MAP4K4: variants seen among roughly 807,000 people sequenced by gnomAD.
MAP4K4 encodes HPK/GCK-like kinase HGK.
Under a neutral mutation model 189.6 loss-of-function variants are expected in MAP4K4, and 38 were observed. The ratio of observed to expected loss-of-function variants is 0.20; its 90% CI spans 0.15 to 0.26. The LOEUF is 0.26. Ranked by LOEUF, MAP4K4 falls within the 10% of genes least tolerant of loss-of-function variation. MAP4K4 has a pLI of 1.00. For synonymous variants in MAP4K4, 610 were observed against 624.3 expected, an observed-to-expected ratio of 0.98 and a Z score of 0.34; for missense variants, 1,054 against 1,726.9, an observed-to-expected ratio of 0.61 and a Z score of 6.91.
exon 33 of MAP4K4, chr2:101,893,980 T>TC: frequency 6.6e-6 from 1 of 152,514 alleles, no homozygotes; most frequent in Non-Finnish European, 1.5e-5. Context: ...CTTTTTTCCT[T>TC]CCCGTCTTAG....
chr2:101,845,695 T>C (rs1210348016), intron 12 of MAP4K4, among the ~76,000 whole-genome samples: 1 of 152,242 alleles, frequency 6.6e-6, no homozygotes, highest in African/African-American at 2.4e-5. Context: ...AGTTCATCAT[T>C]GACCAAAACA....
At chr2:101,741,573 C>A (rs897262578) in intron 2 of MAP4K4, among the ~76,000 whole-genome samples, 2 of 152,094 alleles carry the variant, frequency 1.3e-5, no homozygotes, top group African/African-American at 4.8e-5. Context: ...CTACCCACCC[C>A]CGCTCCAGCC....
chr2:101,742,180 C>T (rs1190687967), intron 2 of MAP4K4, among the ~76,000 whole-genome samples: 1 of 152,134 alleles, frequency 6.6e-6, no homozygotes, highest in Non-Finnish European at 1.5e-5. Flanking sequence ...TGGGCTCAGC[C>T]TGACTCAGGA....
chr2:101,834,370 C>G (rs1282082935), intron 7 of MAP4K4, 39 bp from the exon 8 acceptor site: 1 of 1,493,154 alleles, frequency 6.7e-7, no homozygotes, highest in Non-Finnish European at 9.2e-7. Flanking sequence ...GGCTTTGTAT[C>G]TACTCCAGTA....
At position 101,859,099 on chromosome 2, in the gene MAP4K4, G is replaced by A. The variant is rs1368623622; in HGVS notation, c.1482+17G>A. The A allele has an allele frequency of 4.4e-6, 7 of 1,602,750 alleles. No individual in the cohort carries two copies. The highest frequency in any genetic ancestry group is 6.0e-6 in the Non-Finnish European group (7 of 1,171,668). ...ATGTTACTGGTAAAGCCCCGCCTCT[G>A]TTTCATTCTGTAGCATCAGGGCTCC... is the stretch of plus-strand genomic sequence containing the variant. On this transcript the variant is annotated intron_variant, in intron 14 of 32. Transcript: ENST00000324219.
chr2:101,812,445 C>T (rs2095487236), intron 3 of MAP4K4, among the ~76,000 whole-genome samples: 2 of 152,168 alleles, frequency 1.3e-5, no homozygotes, highest in African/African-American at 4.8e-5. Flanking sequence ...TCCAGTCCAC[C>T]TCCTCACAGC....
intron 3 of MAP4K4, among the ~76,000 whole-genome samples, chr2:101,818,930 T>G: frequency 6.6e-6 from 1 of 151,980 alleles, no homozygotes; most frequent in East Asian, 1.9e-4. Context: ...CTTTTTTTCC[T>G]TACTAAAAAG....
At chr2:101,810,456 G>A (rs879659460) in intron 3 of MAP4K4, among the ~76,000 whole-genome samples, 1 of 152,004 alleles carries the variant, frequency 6.6e-6, no homozygotes, top group Non-Finnish European at 1.5e-5. Flanking sequence ...ATTGGACTTG[G>A]TGAGAGTCTT....
intron 30 of MAP4K4, among the ~76,000 whole-genome samples, 186 bp from the exon 31 acceptor site, chr2:101,887,592 A>G (rs1451582985): frequency 6.6e-6 from 1 of 152,210 alleles, no homozygotes; most frequent in Non-Finnish European, 1.5e-5. Flanking sequence ...TCAGTAGAGT[A>G]TATTACTGGG....
rs560376409 is a variant in MAP4K4 at position 101,845,510 on chromosome 2, A to C, written c.1233+1199A>C. Reference sequence around the variant, plus strand: ...ACCTAGATGGTACAGCCTACTGCGCACCTAGACTATGTGGTGTGGCCTCTT... The same window carrying C: ...ACCTAGATGGTACAGCCTACTGCGCCCCTAGACTATGTGGTGTGGCCTCTT... On this transcript the variant is annotated intron_variant, in intron 12 of 32. Coordinates refer to ENST00000324219, the Ensembl canonical transcript of MAP4K4. 8.5e-5 allele frequency among the ~76,000 whole-genome samples: 13 copies of C among 152,318 alleles called. No homozygotes were observed. The South Asian group carries it at 2.7e-3, about 32-fold the overall frequency.
intron 2 of MAP4K4, among the ~76,000 whole-genome samples, chr2:101,773,844 T>G (rs2082640386): frequency 6.6e-6 from 1 of 152,158 alleles, no homozygotes; most frequent in Non-Finnish European, 1.5e-5. Flanking sequence ...ATGTCTGTCT[T>G]TCCGTGCTTG....
chr2:101,786,173 C>T (rs903754035), intron 2 of MAP4K4, among the ~76,000 whole-genome samples: 4 of 152,066 alleles, frequency 2.6e-5, no homozygotes, highest in African/African-American at 4.8e-5. Context: ...AATGCTGTTT[C>T]TTCTACCTCT....
intron 2 of MAP4K4, among the ~76,000 whole-genome samples, chr2:101,786,728 G>GT (rs1206276924): frequency 6.6e-6 from 1 of 152,166 alleles, no homozygotes; most frequent in African/African-American, 2.4e-5. Flanking sequence ...TGCTGCCATT[G>GT]TATCGTGGGC....
intron 2 of MAP4K4, among the ~76,000 whole-genome samples, chr2:101,784,419 T>C (rs2089590886): frequency 6.6e-6 from 1 of 152,164 alleles, no homozygotes; most frequent in Non-Finnish European, 1.5e-5. Flanking sequence ...GTCTTCAGGT[T>C]ACTGAGATGT....
At chr2:101,733,177 G>C (rs2059187911) in intron 2 of MAP4K4, among the ~76,000 whole-genome samples, 1 of 152,214 alleles carries the variant, frequency 6.6e-6, no homozygotes, top group African/African-American at 2.4e-5. Flanking sequence ...GTCTGAAGTA[G>C]AGCATGAAAG....
chr2:101,829,694 C>T (rs2096532176), intron 6 of MAP4K4, 100 bp downstream of exon 6: 3 of 775,864 alleles, frequency 3.9e-6, no homozygotes, highest in Admixed American at 4.3e-5. Context: ...CAGTCTTACC[C>T]ATGTTTTCTA....
chr2:101,800,541 TTTG>T (rs2094267186), intron 3 of MAP4K4, among the ~76,000 whole-genome samples: 1 of 152,230 alleles, frequency 6.6e-6, no homozygotes, highest in African/African-American at 2.4e-5. Flanking sequence ...CATTTACTAA[TTTG>T]TTGGCTAGTT....
At chr2:101,711,134 C>T (rs2149305949) in intron 2 of MAP4K4, among the ~76,000 whole-genome samples, 1 of 152,310 alleles carries the variant, frequency 6.6e-6, no homozygotes, top group East Asian at 1.9e-4. Flanking sequence ...TTCTGCCCTA[C>T]ATTACACATG....
At chr2:101,747,605 T>G (rs1274772818) in intron 2 of MAP4K4, among the ~76,000 whole-genome samples, 1 of 152,178 alleles carries the variant, frequency 6.6e-6, no homozygotes, top group African/African-American at 2.4e-5. Flanking sequence ...GACCACAAAT[T>G]AAAACAGCTC....
Sources: gnomAD v4.1 joint callset for allele counts (sites outside exome capture counted in the v4.1 genomes callset) on GRCh38, gnomAD v4.1.1 for gene constraint, MANE v1.5 for transcripts, NCBI Gene and HGNC (gene_info 2026-07-23, HGNC 2026-07-21) for gene names.